Variants in EYS observed in about 807,000 individuals in gnomAD.
EYS encodes the protein protein eyes shut homolog.
A neutral mutation model predicts 282.1 loss-of-function variants in EYS; 250 were observed. That is an observed-to-expected ratio of 0.89 (90% CI 0.80 to 0.98). The LOEUF (loss-of-function observed/expected upper bound fraction) is 0.98. EYS is among the 50% of genes least tolerant of loss of function. The pLI, the probability that EYS is intolerant of heterozygous loss-of-function variation, is 0.00. For synonymous variants in EYS, 1,355 were observed against 1,282.9 expected (o/e 1.06, Z -1.20); for missense variants, 4,016 against 3,709.0 (o/e 1.08, Z -2.15).
chr6:64,088,134 A>G (rs1772222251), intron 31 of EYS, among the ~76,000 whole-genome samples: 1 of 152,178 alleles, frequency 6.6e-6, no homozygotes, highest in African/African-American at 2.4e-5. Flanking sequence ...TGTTTAGTGG[A>G]TATGTTGAAA....
intron 35 of EYS, among the ~76,000 whole-genome samples, chr6:63,965,912 C>T (rs755940433): frequency 2.0e-5 from 3 of 152,074 alleles, no homozygotes; most frequent in African/African-American, 7.2e-5. Context: ...GAATATGAAC[C>T]GCAGAATTCA....
At chr6:63,741,315 T>G (rs977431090) in intron 41 of EYS, among the ~76,000 whole-genome samples, 11 of 152,102 alleles carry the variant, frequency 7.2e-5, no homozygotes, top group Admixed American at 5.2e-4. Context: ...CAATACCATC[T>G]AGTAAAAAAG....
chr6:65,436,579 A>G (rs1326022662), intron 5 of EYS, among the ~76,000 whole-genome samples: 1 of 152,154 alleles, frequency 6.6e-6, no homozygotes, highest in African/African-American at 2.4e-5. Context: ...TCACTTGTAA[A>G]CCATTTGTGA....
chr6:63,994,256 T>C (rs1380174728), intron 34 of EYS, among the ~76,000 whole-genome samples: 1 of 151,934 alleles, frequency 6.6e-6, no homozygotes, highest in Non-Finnish European at 1.5e-5. Context: ...ACTATATAAT[T>C]ACACGGCATT....
intron 12 of EYS, among the ~76,000 whole-genome samples, chr6:65,219,129 C>A (rs1766393838): frequency 6.6e-6 from 1 of 152,050 alleles, no homozygotes; most frequent in African/African-American, 2.4e-5. Context: ...GGCTCATAAT[C>A]TTCAAGTAGG....
At chr6:65,275,931 C>T (rs552355390) in intron 12 of EYS, among the ~76,000 whole-genome samples, 1 of 152,110 alleles carries the variant, frequency 6.6e-6, no homozygotes, top group South Asian at 2.1e-4. Flanking sequence ...CATGCACTTA[C>T]CAAATACCTT....
Position 64,866,104 on chromosome 6 carries a change from C to T in EYS, c.2992+20593G>A, listed in dbSNP as rs577939864. Among the ~76,000 whole-genome samples, 77 of 151,876 alleles carry T rather than the reference C, an allele frequency of 5.1e-4. 1 individual carries two copies. Among genetic ancestry groups the T allele is most frequent in the African/African-American group, 1.8e-3 (74 of 41,492 alleles). On this transcript the variant is annotated intron_variant, in intron 19 of 42. Transcript: ENST00000503581. The stretch of plus-strand genomic sequence containing the variant: ...ATTCTCATAATCTTATTTTTATTAC[C>T]ATATTACATTTAGCAATCTGCTTAA...
intron 31 of EYS, among the ~76,000 whole-genome samples, chr6:64,146,354 A>G (rs1246367412): frequency 6.6e-6 from 1 of 152,162 alleles, no homozygotes; most frequent in Non-Finnish European, 1.5e-5. Context: ...TAATCACTGC[A>G]CAAGAACACG....
At chr6:64,070,644 A>G (rs1771540302) in intron 32 of EYS, among the ~76,000 whole-genome samples, 1 of 152,080 alleles carries the variant, frequency 6.6e-6, no homozygotes, top group Non-Finnish European at 1.5e-5. Flanking sequence ...GTCTCAAGGC[A>G]ACTATTATAC....
chr6:64,871,443 G>A (rs1459570759), intron 19 of EYS, among the ~76,000 whole-genome samples: 1 of 151,858 alleles, frequency 6.6e-6, no homozygotes, highest in East Asian at 1.9e-4. Flanking sequence ...GTCTCTAACT[G>A]ACTACAGGTA....
rs939869472 is a variant in EYS, at chr6:64,827,096, T to C, written c.2993-4274A>G. On this transcript the variant is annotated intron_variant, in intron 19 of 42. Transcript: ENST00000503581. ...TCTGAGAAATAGGACTGACAAGCTA[T>C]ATTTTTAAAAATCTCTCTAGATGAT... 1.3e-5 allele frequency among the ~76,000 whole-genome samples: 2 copies of C among 151,852 alleles called. 1 individual carries two copies. Among genetic ancestry groups the C allele is most frequent in the Admixed American group, 1.3e-4 (2 of 15,172 alleles).
Position 64,374,863 on chromosome 6 carries a change from G to A in EYS, c.6078+13827C>T, listed in dbSNP as rs1041469716. On this transcript the variant is annotated intron_variant, in intron 29 of 42. Coordinates refer to ENST00000503581, the MANE Select transcript of EYS (RefSeq NM_001142800.2). ...CAGAGACAGGGAGAGGGAGAGAGCC[G>A]GCAGTCTAGTCAGTCTTCTTTTTCA... 8.1e-4 allele frequency among the ~76,000 whole-genome samples: 124 copies of A among 152,176 alleles called. 1 individual carries two copies. Among genetic ancestry groups the A allele is most frequent in the Non-Finnish European group, 1.5e-4 (10 of 68,038 alleles).
intron 13 of EYS, among the ~76,000 whole-genome samples, chr6:65,014,081 A>G (rs1771968585): frequency 6.6e-6 from 1 of 152,178 alleles, no homozygotes; most frequent in African/African-American, 2.4e-5. Context: ...AAAGAAGCAA[A>G]TGAAAGCTGT....
intron 31 of EYS, among the ~76,000 whole-genome samples, chr6:64,088,863 A>G (rs1453060648): frequency 6.6e-6 from 1 of 151,998 alleles, no homozygotes; most frequent in South Asian, 2.1e-4. Flanking sequence ...TTAGCCTTCT[A>G]TAAAGGCCTT....
intron 12 of EYS, among the ~76,000 whole-genome samples, chr6:65,191,775 C>A (rs761581323): frequency 1.3e-5 from 2 of 151,758 alleles, no homozygotes; most frequent in Non-Finnish European, 2.9e-5. Flanking sequence ...TGCTAACTTA[C>A]CCTTCAATAC....
intron 26 of EYS, among the ~76,000 whole-genome samples, chr6:64,522,162 G>A (rs749738096): frequency 1.1e-4 from 17 of 151,732 alleles, no homozygotes; most frequent in Admixed American, 5.3e-4. Context: ...ATTGAAGTAT[G>A]CGGTGCTTTT....
intron 19 of EYS, among the ~76,000 whole-genome samples, chr6:64,833,776 T>C (rs1765295161): frequency 6.6e-6 from 1 of 151,902 alleles, no homozygotes; most frequent in Non-Finnish European, 1.5e-5. Flanking sequence ...CTGAAATCTT[T>C]CTTTTATAAT....
chr6:63,909,890 TC>T (rs1201679776), intron 35 of EYS, among the ~76,000 whole-genome samples: 2 of 152,028 alleles, frequency 1.3e-5, no homozygotes, highest in African/African-American at 4.8e-5. Context: ...TACATACAGC[TC>T]AAGATAGATG....
At chr6:65,602,822 A>G (rs1765657176) in intron 2 of EYS, among the ~76,000 whole-genome samples, 1 of 151,906 alleles carries the variant, frequency 6.6e-6, no homozygotes, top group African/African-American at 2.4e-5. Flanking sequence ...AGCCTTTTTG[A>G]AGTGATAACT....
Sources: gnomAD v4.1 joint callset for allele counts (sites outside exome capture counted in the v4.1 genomes callset) on GRCh38, gnomAD v4.1.1 for gene constraint, MANE v1.5 for transcripts, NCBI Gene and HGNC (gene_info 2026-07-23, HGNC 2026-07-21) for gene names.